PREX1: variants seen among roughly 807,000 people sequenced by gnomAD.
PREX1 encodes the protein phosphatidylinositol-3,4,5-trisphosphate dependent Rac exchange factor 1.
A neutral mutation model predicts 198.3 loss-of-function variants in PREX1; 41 were observed. That is an observed-to-expected ratio of 0.21 (90% CI 0.16 to 0.27). The LOEUF (loss-of-function observed/expected upper bound fraction) is 0.27. Ranked by LOEUF, PREX1 falls within the 10% of genes least tolerant of loss-of-function variation. PREX1 has a pLI of 1.00. For synonymous variants in PREX1, 843 were observed against 887.2 expected, an observed-to-expected ratio of 0.95 and a Z score of 0.89; for missense variants, 1,620 against 2,200.7, an observed-to-expected ratio of 0.74 and a Z score of 5.28.
chr20:48,678,350 A>G (rs546448374), intron 13 of PREX1, among the ~76,000 whole-genome samples: 96 of 152,146 alleles, frequency 6.3e-4, no homozygotes, highest in African/African-American at 2.2e-3. Context: ...GCACGCCTGT[A>G]GTCCCAGCTA....
chr20:48,733,745 GTTTT>G (rs772618727), intron 4 of PREX1, among the ~76,000 whole-genome samples: 5 of 85,070 alleles, frequency 5.9e-5, no homozygotes, highest in East Asian at 3.3e-4. Flanking sequence ...CAGTTTTTGG[GTTTT>G]TTTGTTTTTT....
At chr20:48,626,988 A>G (rs1323411036) in intron 39 of PREX1, among the ~76,000 whole-genome samples, 1 of 152,154 alleles carries the variant, frequency 6.6e-6, no homozygotes, top group Non-Finnish European at 1.5e-5. Flanking sequence ...GGGTGGGAGG[A>G]CAGGAGGAAA....
At chr20:48,802,675 G>C (rs919213039) in intron 1 of PREX1, among the ~76,000 whole-genome samples, 1 of 152,226 alleles carries the variant, frequency 6.6e-6, no homozygotes, top group Non-Finnish European at 1.5e-5. Flanking sequence ...AGATATGAGA[G>C]CAGGGATTGT....
the PREX1 span, among the ~76,000 whole-genome samples, chr20:48,887,944 C>T: frequency 1.3e-5 from 2 of 151,646 alleles, no homozygotes; most frequent in Non-Finnish European, 2.9e-5. Flanking sequence ...AGTGAGATTC[C>T]GTCTCAAAAA....
intron 1 of PREX1, among the ~76,000 whole-genome samples, chr20:48,817,149 G>A (rs1209866257): frequency 6.6e-6 from 1 of 152,186 alleles, no homozygotes; most frequent in Non-Finnish European, 1.5e-5. Flanking sequence ...GCAATGGGAG[G>A]TGCTGTCATG....
chr20:48,755,192 A>G (rs1406957942), intron 1 of PREX1, among the ~76,000 whole-genome samples: 5 of 152,236 alleles, frequency 3.3e-5, no homozygotes, highest in African/African-American at 7.2e-5. Context: ...ACTAGGAAAA[A>G]AAATCAAGTT....
intron 7 of PREX1, among the ~76,000 whole-genome samples, chr20:48,700,446 T>G (rs977571302): frequency 1.3e-5 from 2 of 152,246 alleles, no homozygotes; most frequent in Non-Finnish European, 2.9e-5. Context: ...TTAATAATTT[T>G]TTTAAATAAT....
intron 16 of PREX1, 151 bp from the exon 17 acceptor site, chr20:48,658,379 G>A (rs926686052): frequency 2.9e-6 from 2 of 697,090 alleles, no homozygotes; most frequent in Non-Finnish European, 4.9e-6. Flanking sequence ...AACGCAAACA[G>A]CACCTGGCAG....
chr20:48,741,802 C>T (rs897117815), intron 3 of PREX1, among the ~76,000 whole-genome samples: 2 of 152,086 alleles, frequency 1.3e-5, no homozygotes, highest in Admixed American at 1.3e-4. Flanking sequence ...GGGAGAGAGC[C>T]GCAGGGATGT....
chr20:48,646,413 T>G (rs1318611372), intron 25 of PREX1, among the ~76,000 whole-genome samples: 1 of 152,208 alleles, frequency 6.6e-6, no homozygotes, highest in Non-Finnish European at 1.5e-5. Flanking sequence ...CTGGGCGCAG[T>G]GGTTCACACC....
chr20:48,806,774 C>G lies in PREX1; in HGVS notation c.219+20868G>C, dbSNP rs114488069. ...CATTTAATGAGCACTGACTGTATGC[C>G]AGGCACTGGGCTCAGCATCAGGGAT... On this transcript the variant is annotated intron_variant, in intron 1 of 39. Coordinates refer to ENST00000371941, the MANE Select transcript of PREX1 (RefSeq NM_020820.4). 4.0e-3 allele frequency among the ~76,000 whole-genome samples: 606 copies of G among 152,270 alleles called. 2 individuals are homozygous for G. Among genetic ancestry groups the G allele is most frequent in the Middle Eastern group, 0.017 (5 of 294 alleles).
intron 1 of PREX1, among the ~76,000 whole-genome samples, chr20:48,758,681 G>A (rs1322558512): frequency 6.6e-6 from 1 of 152,218 alleles, no homozygotes; most frequent in African/African-American, 2.4e-5. Flanking sequence ...CAGACGTGGA[G>A]GCAGGTTTCA....
chr20:48,811,214 T>G (rs1370112928), intron 1 of PREX1, among the ~76,000 whole-genome samples: 1 of 152,124 alleles, frequency 6.6e-6, no homozygotes, highest in Non-Finnish European at 1.5e-5. Flanking sequence ...GGGGTTTCAC[T>G]ATGTTTGCCA....
intron 1 of PREX1, among the ~76,000 whole-genome samples, chr20:48,802,740 T>C (rs1039116453): frequency 5.3e-5 from 8 of 152,222 alleles, no homozygotes; most frequent in African/African-American, 1.9e-4. Context: ...AGGACCTTAG[T>C]CAGTATCTGC....
intron 2 of PREX1, among the ~76,000 whole-genome samples, chr20:48,747,608 C>A (rs1180317624): frequency 6.6e-6 from 1 of 152,234 alleles, no homozygotes; most frequent in Non-Finnish European, 1.5e-5. Flanking sequence ...CTGCTGACAT[C>A]CACCAAGCAC....
At chr20:48,797,750 G>A (rs949975336) in intron 1 of PREX1, among the ~76,000 whole-genome samples, 1 of 152,200 alleles carries the variant, frequency 6.6e-6, no homozygotes, top group Non-Finnish European at 1.5e-5. Flanking sequence ...GCCTGCAATG[G>A]CAGCTCTGTC....
At chr20:48,776,969 A>T (rs1167994414) in intron 1 of PREX1, among the ~76,000 whole-genome samples, 1 of 152,172 alleles carries the variant, frequency 6.6e-6, no homozygotes, top group Non-Finnish European at 1.5e-5. Flanking sequence ...TAACCACTCC[A>T]ACACCCTGCG....
chr20:48,633,395 G>A (rs990919266), intron 33 of PREX1, among the ~76,000 whole-genome samples: 11 of 152,306 alleles, frequency 7.2e-5, no homozygotes, highest in Middle Eastern at 3.4e-3. Flanking sequence ...GGGTATACCC[G>A]TAGTAGTATA....
At chr20:48,795,732 A>T (rs1568867122) in intron 1 of PREX1, among the ~76,000 whole-genome samples, 1 of 152,168 alleles carries the variant, frequency 6.6e-6, no homozygotes, top group Non-Finnish European at 1.5e-5. Flanking sequence ...TGTGTAAAAC[A>T]ACATAAAAAG....
Sources: allele counts gnomAD v4.1 joint callset (sites outside exome capture counted in the v4.1 genomes callset), GRCh38; gene constraint gnomAD v4.1.1; transcripts MANE v1.5; gene names NCBI Gene and HGNC (gene_info 2026-07-23, HGNC 2026-07-21).